ZFHX3: variants seen among roughly 807,000 people sequenced by gnomAD.
The protein encoded by ZFHX3 is zinc finger homeobox 3, also known as zinc finger homeobox protein 3.
Under a neutral mutation model 279.1 loss-of-function variants are expected in ZFHX3, and 42 were observed. The ratio of observed to expected loss-of-function variants is 0.15; its 90% CI spans 0.12 to 0.19. The LOEUF (loss-of-function observed/expected upper bound fraction) is 0.19. ZFHX3 is among the 10% of genes least tolerant of loss of function. The pLI is 1.00. For synonymous variants in ZFHX3, 2,293 were observed against 1,957.8 expected, an observed-to-expected ratio of 1.17 and a Z score of -4.52; for missense variants, 4,981 against 4,754.0, an observed-to-expected ratio of 1.05 and a Z score of -1.40.
chr16:73,000,484 A>G (rs896459259), intron 1 of ZFHX3, among the ~76,000 whole-genome samples: 1 of 152,184 alleles, frequency 6.6e-6, no homozygotes, highest in South Asian at 2.1e-4. Context: ...AACCCAATAG[A>G]GTATCCTTTA....
At position 72,797,763 on chromosome 16, in the gene ZFHX3, C is replaced by G. The variant is rs1259954586; in HGVS notation, c.4919G>C (p.Gly1640Ala). 6.2e-7 allele frequency: 1 copy of G among 1,614,122 alleles called. No individual in the cohort carries two copies. Among genetic ancestry groups the G allele is most frequent in the South Asian group, 1.1e-5 (1 of 91,076 alleles). ...EAASGSSNGT[G>A]NSSSISLSSS... The stretch of plus-strand genomic sequence containing the variant: ...GCTCAAGGAAATACTGCTGCTGTTC[C>G]CAGTCCCATTGCTGCTGCCACTTGC... Residue 1640 changes from glycine to alanine, a missense_variant, in exon 9 of 10, where the codon GGG becomes GCG. Gly to Ala is a moderately conservative substitution (Grantham distance 60). Coordinates refer to ENST00000268489, the MANE Select transcript of ZFHX3 (RefSeq NM_006885.4).
chr16:72,888,325 G>C (rs1371484111), intron 4 of ZFHX3, among the ~76,000 whole-genome samples: 1 of 152,192 alleles, frequency 6.6e-6, no homozygotes. Flanking sequence ...CTCTGGCTTG[G>C]CCAGGCCGTT....
At chr16:73,359,805 G>A (rs182295321) in intron 3 of ZFHX3, among the ~76,000 whole-genome samples, 78 of 152,312 alleles carry the variant, frequency 5.1e-4, no homozygotes, top group African/African-American at 1.3e-3. Context: ...ATTGATTTCC[G>A]CCCTGAGTTG....
At chr16:73,371,416 G>A (rs781470415) in intron 3 of ZFHX3, among the ~76,000 whole-genome samples, 5 of 151,760 alleles carry the variant, frequency 3.3e-5, no homozygotes, top group South Asian at 2.1e-4. Context: ...ACAGAGTCTC[G>A]CCCTATTGCC....
intron 2 of ZFHX3, among the ~76,000 whole-genome samples, chr16:73,569,401 T>C (rs2051711490): frequency 6.6e-6 from 1 of 151,642 alleles, no homozygotes; most frequent in Admixed American, 6.6e-5. Context: ...TTTTTTAATT[T>C]CTCTCCCCTG....
At chr16:72,900,517 A>T (rs2039009023) in intron 3 of ZFHX3, among the ~76,000 whole-genome samples, 1 of 152,248 alleles carries the variant, frequency 6.6e-6, no homozygotes, top group Non-Finnish European at 1.5e-5. Flanking sequence ...GGAACATGTG[A>T]AGAACTACCC....
At chr16:73,038,061 A>G (rs1442945733) in intron 1 of ZFHX3, among the ~76,000 whole-genome samples, 2 of 152,228 alleles carry the variant, frequency 1.3e-5, no homozygotes, top group African/African-American at 4.8e-5. Context: ...TTCCATTTAG[A>G]CTTTCCAAAA....
In ZFHX3 at chr16:72,976,251, G is replaced by A. The variant is rs896189397; in HGVS notation, c.-49-16057C>T. Among the ~76,000 whole-genome samples, 7 of 152,262 alleles carry A rather than the reference G, an allele frequency of 4.6e-5. No homozygotes were observed. In the South Asian group the frequency reaches 6.2e-4, roughly 14 times the overall value. Reference sequence around the variant, plus strand: ...GCCAGCAGTTCTAATCTTGGACAGCGCCAGAACAAATTTTGGCAACTGTTC... The same window carrying A: ...GCCAGCAGTTCTAATCTTGGACAGCACCAGAACAAATTTTGGCAACTGTTC... On this transcript the variant is annotated intron_variant, in intron 1 of 9. Coordinates refer to ENST00000268489, the MANE Select transcript of ZFHX3 (RefSeq NM_006885.4).
chr16:73,165,252 C>T (rs1967333396), intron 5 of ZFHX3, among the ~76,000 whole-genome samples: 1 of 152,126 alleles, frequency 6.6e-6, no homozygotes, highest in African/African-American at 2.4e-5. Context: ...ACGCCGGCAG[C>T]TGGGAGGAAA....
chr16:73,269,752 TTTA>T (rs1213821451), intron 4 of ZFHX3, among the ~76,000 whole-genome samples: 1 of 151,104 alleles, frequency 6.6e-6, no homozygotes, highest in African/African-American at 2.4e-5. Flanking sequence ...TTTGCTTTTC[TTTA>T]TTTTTTTTTT....
intron 1 of ZFHX3, among the ~76,000 whole-genome samples, chr16:73,018,901 C>T (rs529692198): frequency 6.1e-4 from 93 of 152,186 alleles, no homozygotes; most frequent in Non-Finnish European, 8.4e-4. Flanking sequence ...GCTCTGCTTG[C>T]ACCCTAGTGT....
chr16:73,067,855 G>A (rs962305481), intron 8 of ZFHX3, among the ~76,000 whole-genome samples: 40 of 152,262 alleles, frequency 2.6e-4, no homozygotes, highest in African/African-American at 8.7e-4. Flanking sequence ...ATAGCCAAGG[G>A]AGTCTCTATT....
rs564375652 is a variant in ZFHX3, at chr16:72,991,988, T to C, written c.-49-31794A>G. ...ACGGAGGATCCCGTGAAAAGAAAAA[T>C]GTAAAGCAAATAATACAGTATAGGC... On this transcript the variant is annotated intron_variant, in intron 1 of 9. Coordinates refer to ENST00000268489, the MANE Select transcript of ZFHX3 (RefSeq NM_006885.4). 3.9e-5 allele frequency among the ~76,000 whole-genome samples: 6 copies of C among 152,112 alleles called. No homozygotes were observed. In the South Asian group the frequency reaches 1.0e-3, roughly 26 times the overall value.
At chr16:73,604,964 A>C (rs977817763) in intron 2 of ZFHX3, among the ~76,000 whole-genome samples, 6 of 151,954 alleles carry the variant, frequency 3.9e-5, no homozygotes, top group African/African-American at 1.5e-4. Flanking sequence ...AATTCTACTT[A>C]ATTTACTAAA....
chr16:72,999,042 C>G (rs879833470), intron 1 of ZFHX3, among the ~76,000 whole-genome samples: 5 of 152,222 alleles, frequency 3.3e-5, no homozygotes, highest in Non-Finnish European at 7.3e-5. Flanking sequence ...AGGAGACTTC[C>G]ATTTTGACCT....
intron 1 of ZFHX3, among the ~76,000 whole-genome samples, chr16:73,046,354 G>C (rs1480105942): frequency 5.3e-5 from 8 of 152,146 alleles, no homozygotes; most frequent in Non-Finnish European, 1.5e-5. Context: ...TGATAACAAG[G>C]AGCAGACTCA....
chr16:73,588,421 T>C (rs1488374827), intron 2 of ZFHX3, among the ~76,000 whole-genome samples: 2 of 151,846 alleles, frequency 1.3e-5, no homozygotes, highest in Non-Finnish European at 2.9e-5. Context: ...TCGCGGTGGC[T>C]CACGCCTGTA....
intron 3 of ZFHX3, chr16:73,387,378 T>C (rs2016922534): frequency 6.6e-6 from 1 of 152,172 alleles, no homozygotes; most frequent in Non-Finnish European, 1.5e-5. Context: ...AATGTTCTGC[T>C]TGAGGGAAAA....
At position 72,961,635 on chromosome 16, in the gene ZFHX3, T is replaced by A. The variant is rs547218184; in HGVS notation, c.-49-1441A>T. Among the ~76,000 whole-genome samples the A allele has an allele frequency of 1.6e-4, 24 of 151,778 alleles. No individual in the cohort carries two copies. The East Asian group carries it at 4.5e-3, about 28-fold the overall frequency. On this transcript the variant is annotated intron_variant, in intron 1 of 9. Transcript: ENST00000268489. ...CAGCCCCTATCTTCTCAATCTTTTT[T>A]TTTTTTCATTTCTTGATTATTGACT...
Sources: gnomAD v4.1 joint callset for allele counts (sites outside exome capture counted in the v4.1 genomes callset) on GRCh38, gnomAD v4.1.1 for gene constraint, MANE v1.5 for transcripts, NCBI Gene and HGNC (gene_info 2026-07-23, HGNC 2026-07-21) for gene names.